DOCK4: variants seen among roughly 807,000 people sequenced by gnomAD.
DOCK4 encodes the protein dedicator of cytokinesis 4.
In DOCK4, 97 loss-of-function variants were observed where a neutral mutation model predicts 268.1. The observed-to-expected ratio is 0.36, with a 90% confidence interval of 0.31 to 0.43. DOCK4 has a LOEUF of 0.43. Among genes scored for constraint, DOCK4 ranks in the 20% least tolerant of loss-of-function variants. The probability of loss-of-function intolerance (pLI) is 1.00; values close to 1 mark genes in which losing one functional copy is unlikely to be tolerated. For synonymous variants in DOCK4, 954 were observed against 887.2 expected, an observed-to-expected ratio of 1.08 and a Z score of -1.34; for missense variants, 2,145 against 2,455.7, an observed-to-expected ratio of 0.87 and a Z score of 2.67.
intron 1 of DOCK4, among the ~76,000 whole-genome samples, chr7:112,039,117 GT>G (rs1400851671): frequency 6.6e-6 from 1 of 152,106 alleles, no homozygotes; most frequent in Non-Finnish European, 1.5e-5. Context: ...ATATTATATT[GT>G]TTCCGGCTCA....
At position 111,951,667 on chromosome 7, in the gene DOCK4, G is replaced by GAAGA. The variant is rs1236431512; in HGVS notation, c.702-5873_702-5870dup. Among the ~76,000 whole-genome samples the GAAGA allele has an allele frequency of 2.5e-3, 375 of 147,756 alleles. 1 individual carries two copies. The highest frequency in any genetic ancestry group is 9.1e-3 in the African/African-American group (365 of 40,108). On this transcript the variant is annotated intron_variant, in intron 8 of 52. Coordinates refer to ENST00000428084, the MANE Select transcript of DOCK4 (RefSeq NM_001363540.2). ...GCTACCAAAAAAAAAAAAAAAAGAA[G>GAAGA]AAGAAAGAAAGAAAGAAAAAAATTA...
intron 44 of DOCK4, among the ~76,000 whole-genome samples, chr7:111,742,879 C>G (rs757403746): frequency 8.5e-5 from 13 of 152,088 alleles, no homozygotes; most frequent in African/African-American, 1.7e-4. Flanking sequence ...GTAGTTCCAA[C>G]TACTCGAGTG....
At chr7:111,855,959 C>T (rs796456929) in intron 23 of DOCK4, among the ~76,000 whole-genome samples, 7 of 152,306 alleles carry the variant, frequency 4.6e-5, no homozygotes, top group Middle Eastern at 3.4e-3. Flanking sequence ...CCTGGCATTT[C>T]TGTCTTCAGG....
intron 1 of DOCK4, among the ~76,000 whole-genome samples, chr7:112,126,749 G>A (rs902229735): frequency 1.6e-4 from 24 of 152,174 alleles, no homozygotes; most frequent in Non-Finnish European, 2.6e-4. Flanking sequence ...GTGGGCGAAG[G>A]ATATGAACAG....
chr7:111,979,238 AG>A (rs2038720234), intron 7 of DOCK4, among the ~76,000 whole-genome samples: 1 of 152,288 alleles, frequency 6.6e-6, no homozygotes, highest in African/African-American at 2.4e-5. Context: ...TGAGAAGCAA[AG>A]GGTGGAAAAA....
chr7:112,162,373 T>A (rs1817205956), intron 1 of DOCK4, among the ~76,000 whole-genome samples: 1 of 152,262 alleles, frequency 6.6e-6, no homozygotes, highest in South Asian at 2.1e-4. Flanking sequence ...TGACTCAGAC[T>A]GGACCAAGCT....
intron 23 of DOCK4, among the ~76,000 whole-genome samples, chr7:111,862,609 G>T (rs1805639452): frequency 6.8e-6 from 1 of 146,588 alleles, no homozygotes; most frequent in Non-Finnish European, 1.5e-5. Flanking sequence ...TCCCGCCTCA[G>T]CCTCCCGAGT....
chr7:111,951,246 T>C (rs145728534), intron 8 of DOCK4, among the ~76,000 whole-genome samples: 4 of 152,180 alleles, frequency 2.6e-5, no homozygotes, highest in African/African-American at 9.6e-5. Context: ...TAAAGGCAAA[T>C]GTGTACCCTG....
At chr7:112,020,434 T>G (rs1479701082) in intron 1 of DOCK4, among the ~76,000 whole-genome samples, 1 of 152,126 alleles carries the variant, frequency 6.6e-6, no homozygotes, top group Admixed American at 6.6e-5. Flanking sequence ...AAAACAAGTA[T>G]CAGTCTGAAC....
intron 12 of DOCK4, among the ~76,000 whole-genome samples, chr7:111,927,814 G>A (rs1356961520): frequency 1.3e-5 from 2 of 152,110 alleles, no homozygotes; most frequent in Admixed American, 6.6e-5. Context: ...ACTATTTGGA[G>A]AGACACCATG....
At chr7:112,135,619 T>G (rs990684821) in intron 1 of DOCK4, among the ~76,000 whole-genome samples, 5 of 152,140 alleles carry the variant, frequency 3.3e-5, no homozygotes, top group Non-Finnish European at 5.9e-5. Context: ...GCCGCCTTGA[T>G]TAAGCTGCCT....
intron 23 of DOCK4, among the ~76,000 whole-genome samples, chr7:111,849,732 C>T (rs1487910552): frequency 6.6e-6 from 1 of 152,124 alleles, no homozygotes; most frequent in Non-Finnish European, 1.5e-5. Flanking sequence ...GCTAGGTGTT[C>T]CACTGGAGCA....
rs372172778 is a variant in DOCK4, at chr7:112,000,508, T to A, written c.148A>T (p.Asn50Tyr). Reference sequence around the variant, plus strand: ...ACAATTTTTACCTTGATATTTGGGTTTTTTAAGGCAAATCCTCTGTACCAG... The same window carrying A: ...ACAATTTTTACCTTGATATTTGGGTATTTTAAGGCAAATCCTCTGTACCAG... ...DGWYRGFALK[N>Y]PNIKGIFPSS... is the part of the protein sequence containing the mutation. Residue 50 changes from asparagine to tyrosine, a missense_variant, in exon 3 of 53, where the codon AAC (asparagine) becomes TAC (tyrosine). Physicochemically the swap from Asn to Tyr is moderately radical, Grantham distance 143. Transcript: ENST00000428084. 41 of 1,545,986 alleles carry A rather than the reference T, an allele frequency of 2.7e-5. 1 individual carries two copies. In the African/African-American group the frequency reaches 3.9e-4, roughly 15 times the overall value.
intron 1 of DOCK4, among the ~76,000 whole-genome samples, chr7:112,041,738 C>T (rs915598965): frequency 6.6e-6 from 1 of 152,098 alleles, no homozygotes; most frequent in African/African-American, 2.4e-5. Flanking sequence ...TATGAGTTTC[C>T]TTTTCTCATC....
rs1791485879 is a variant in DOCK4, at chr7:111,905,486, TCAGTGACTG to T, written c.1193-3694_1193-3686del. On this transcript the variant is annotated intron_variant, in intron 13 of 52. Coordinates refer to ENST00000428084, the MANE Select transcript of DOCK4 (RefSeq NM_001363540.2). ...CAAAATTGGGAACAAACTCAAGAGT[TCAGTGACTG>T]CAGTCAAATGGATCCATTAACAGCT... is the stretch of plus-strand genomic sequence containing the variant. 2.0e-5 allele frequency among the ~76,000 whole-genome samples: 3 copies of T among 152,160 alleles called. No homozygotes were observed. In the South Asian group the frequency reaches 6.2e-4, roughly 32 times the overall value.
At chr7:111,929,499 T>C (rs1278118056) in intron 12 of DOCK4, among the ~76,000 whole-genome samples, 1 of 152,206 alleles carries the variant, frequency 6.6e-6, no homozygotes, top group Admixed American at 6.5e-5. Context: ...TTTATTTCAA[T>C]GATACTAGAA....
At chr7:112,177,642 C>G (rs528868065) in intron 1 of DOCK4, among the ~76,000 whole-genome samples, 2 of 152,148 alleles carry the variant, frequency 1.3e-5, no homozygotes, top group Admixed American at 1.3e-4. Context: ...TTTCTGATAG[C>G]TAATCACATG....
At chr7:111,836,189 G>A (rs1411131282) in intron 25 of DOCK4, among the ~76,000 whole-genome samples, 2 of 150,780 alleles carry the variant, frequency 1.3e-5, no homozygotes, top group Non-Finnish European at 2.9e-5. Flanking sequence ...CACAGGACTG[G>A]GAATAATAGA....
At chr7:111,924,872 G>A (rs1793467691) in intron 12 of DOCK4, among the ~76,000 whole-genome samples, 1 of 152,190 alleles carries the variant, frequency 6.6e-6, no homozygotes, top group Non-Finnish European at 1.5e-5. Context: ...CTGCCATTCT[G>A]TAGTAAACTC....
Sources: allele counts gnomAD v4.1 joint callset (sites outside exome capture counted in the v4.1 genomes callset), GRCh38; gene constraint gnomAD v4.1.1; transcripts MANE v1.5; gene names NCBI Gene and HGNC (gene_info 2026-07-23, HGNC 2026-07-21).